Variants in MACROD2 observed in about 807,000 individuals in gnomAD.
The protein encoded by MACROD2 is ADP-ribose glycohydrolase MACROD2.
MACROD2 carries 36 observed loss-of-function variants against 70.4 expected under a neutral mutation model. That is an observed-to-expected ratio of 0.51 (90% CI 0.39 to 0.68). The LOEUF (loss-of-function observed/expected upper bound fraction) is 0.68. Ranked by LOEUF, MACROD2 falls within the 30% of genes least tolerant of loss-of-function variation. MACROD2 has a pLI of 0.00. For synonymous variants in MACROD2, 172 were observed against 178.8 expected, an observed-to-expected ratio of 0.96 and a Z score of 0.30; for missense variants, 496 against 538.4, an observed-to-expected ratio of 0.92 and a Z score of 0.78.
intron 4 of MACROD2, among the ~76,000 whole-genome samples, chr20:14,679,982 C>A (rs1173652869): frequency 2.0e-5 from 3 of 152,144 alleles, no homozygotes. Context: ...CATAAGGAAC[C>A]ACACTGAGTG....
chr20:14,621,595 A>G (rs555366839), intron 4 of MACROD2, among the ~76,000 whole-genome samples: 3 of 152,264 alleles, frequency 2.0e-5, no homozygotes, highest in Admixed American at 2.0e-4. Flanking sequence ...TGTTGCTAAG[A>G]TAACTTTAAA....
At chr20:15,070,683 A>G (rs934326144) in intron 5 of MACROD2, among the ~76,000 whole-genome samples, 1 of 152,094 alleles carries the variant, frequency 6.6e-6, no homozygotes, top group Non-Finnish European at 1.5e-5. Flanking sequence ...TTTGCCTTCT[A>G]TCATGATTAC....
chr20:14,558,433 T>A (rs983537072), intron 4 of MACROD2, among the ~76,000 whole-genome samples: 1 of 151,760 alleles, frequency 6.6e-6, no homozygotes, highest in African/African-American at 2.4e-5. Flanking sequence ...CCCAACCATA[T>A]GCTGTCTATA....
intron 3 of MACROD2, among the ~76,000 whole-genome samples, chr20:14,485,533 C>T (rs138216792): frequency 6.6e-6 from 1 of 151,914 alleles, no homozygotes; most frequent in Admixed American, 6.6e-5. Context: ...AACCCCGTCT[C>T]TACTAAAAAT....
chr20:14,565,179 C>T (rs926881585), intron 4 of MACROD2, among the ~76,000 whole-genome samples: 1 of 151,646 alleles, frequency 6.6e-6, no homozygotes, highest in Non-Finnish European at 1.5e-5. Context: ...TTGTGGACTC[C>T]AAATGGTGGG....
chr20:14,395,025 G>T (rs1031518887), intron 3 of MACROD2, among the ~76,000 whole-genome samples: 1 of 151,912 alleles, frequency 6.6e-6, no homozygotes, highest in African/African-American at 2.4e-5. Context: ...TATTGATTAG[G>T]GCTGCTGACC....
At chr20:15,808,701 G>C (rs2063791297) in intron 8 of MACROD2, among the ~76,000 whole-genome samples, 1 of 152,068 alleles carries the variant, frequency 6.6e-6, no homozygotes, top group Non-Finnish European at 1.5e-5. Context: ...AGAAATAAAG[G>C]ATCTAGTCTC....
chr20:14,051,635 C>T lies in MACROD2; in HGVS notation c.164-33986C>T, dbSNP rs2053568491. Reference sequence around the variant, plus strand: ...TGGTTTACTAATAATAGTATCAACCCATCATCTTTTTTGGAATGAGTCAGC... The same window carrying T: ...TGGTTTACTAATAATAGTATCAACCTATCATCTTTTTTGGAATGAGTCAGC... On this transcript the variant is annotated intron_variant, in intron 2 of 17. Transcript: ENST00000684519. Among the ~76,000 whole-genome samples the T allele has an allele frequency of 2.0e-5, 3 of 151,960 alleles. No individual in the cohort carries two copies. The South Asian group carries it at 6.2e-4, about 32-fold the overall frequency.
At chr20:15,074,394 T>C (rs1466903848) in intron 5 of MACROD2, among the ~76,000 whole-genome samples, 1 of 152,206 alleles carries the variant, frequency 6.6e-6, no homozygotes, top group East Asian at 1.9e-4. Context: ...TGAAGACGAC[T>C]GGAGGGTACC....
chr20:15,078,407 T>C (rs1225642347), intron 5 of MACROD2, among the ~76,000 whole-genome samples: 1 of 152,216 alleles, frequency 6.6e-6, no homozygotes, highest in African/African-American at 2.4e-5. Context: ...AGGCCAGGTA[T>C]TGTTATTTCA....
At chr20:15,907,670 C>T (rs1264331120) in intron 10 of MACROD2, among the ~76,000 whole-genome samples, 2 of 152,220 alleles carry the variant, frequency 1.3e-5, no homozygotes, top group Non-Finnish European at 2.9e-5. Context: ...CACGGTGTGC[C>T]GTGAGTGTGG....
At chr20:16,015,107 T>C (rs1002611146) in intron 15 of MACROD2, among the ~76,000 whole-genome samples, 9 of 152,212 alleles carry the variant, frequency 5.9e-5, no homozygotes, top group African/African-American at 2.2e-4. Flanking sequence ...CCTTAAAGAC[T>C]AAGAAGGAAT....
At chr20:15,103,749 A>G (rs955662721) in intron 5 of MACROD2, among the ~76,000 whole-genome samples, 3 of 152,274 alleles carry the variant, frequency 2.0e-5, no homozygotes, top group Middle Eastern at 6.8e-3. Flanking sequence ...TGAGACAGCA[A>G]TTGGAGAGTG....
intron 5 of MACROD2, among the ~76,000 whole-genome samples, chr20:14,733,374 C>T (rs993406647): frequency 1.3e-5 from 2 of 152,150 alleles, no homozygotes; most frequent in Non-Finnish European, 2.9e-5. Context: ...GCTCAGGGTA[C>T]TTCCTTATAG....
chr20:15,632,476 T>C (rs1207455747), intron 8 of MACROD2, among the ~76,000 whole-genome samples: 1 of 152,116 alleles, frequency 6.6e-6, no homozygotes, highest in Non-Finnish European at 1.5e-5. Context: ...ATACAAAACA[T>C]TGTGATATAT....
intron 5 of MACROD2, among the ~76,000 whole-genome samples, chr20:15,209,298 A>G (rs1222734524): frequency 6.6e-6 from 1 of 151,852 alleles, no homozygotes; most frequent in Non-Finnish European, 1.5e-5. Context: ...GTCTTCTTAT[A>G]TTTGTTTTAT....
intron 7 of MACROD2, among the ~76,000 whole-genome samples, chr20:15,443,394 A>G (rs190707584): frequency 3.7e-4 from 57 of 152,266 alleles, no homozygotes; most frequent in Admixed American, 9.8e-4. Context: ...TTAGAGCTGA[A>G]GATAATAGTT....
chr20:15,901,407 G>A (rs1164717607), intron 10 of MACROD2, among the ~76,000 whole-genome samples: 3 of 152,076 alleles, frequency 2.0e-5, no homozygotes, highest in African/African-American at 7.2e-5. Context: ...ATGTTCTCCT[G>A]GACTCTCGAT....
chr20:14,582,654 C>A (rs1296238473), intron 4 of MACROD2, among the ~76,000 whole-genome samples: 1 of 152,122 alleles, frequency 6.6e-6, no homozygotes, highest in East Asian at 1.9e-4. Context: ...AAGCACTTTA[C>A]AGTTAGGGTC....
Sources: allele counts gnomAD v4.1 joint callset (sites outside exome capture counted in the v4.1 genomes callset), GRCh38; gene constraint gnomAD v4.1.1; transcripts MANE v1.5; gene names NCBI Gene and HGNC (gene_info 2026-07-23, HGNC 2026-07-21).